The following ATP11A variants were observed in gnomAD, a reference collection of about 807,000 sequenced individuals.
The protein encoded by ATP11A is ATPase phospholipid transporting 11A.
In ATP11A, 81 loss-of-function variants were observed where a neutral mutation model predicts 154.4. The ratio of observed to expected loss-of-function variants is 0.52; its 90% CI spans 0.44 to 0.63. The LOEUF is 0.63. Among genes scored for constraint, ATP11A ranks in the 30% least tolerant of loss-of-function variants. ATP11A has a pLI of 0.00. For missense variants in ATP11A, 1,316 were observed against 1,474.3 expected (o/e 0.89, Z 1.76); for synonymous variants, 623 against 585.9 (o/e 1.06, Z -0.91).
intron 1 of ATP11A, among the ~76,000 whole-genome samples, chr13:112,710,213 T>TTA (rs1887584913): frequency 6.6e-6 from 1 of 152,134 alleles, no homozygotes; most frequent in South Asian, 2.1e-4. Flanking sequence ...GCCGTGGTGT[T>TTA]TAAGTTGTGT....
At chr13:112,693,118 C>G (rs1033518737) in intron 1 of ATP11A, among the ~76,000 whole-genome samples, 3 of 152,214 alleles carry the variant, frequency 2.0e-5, no homozygotes, top group African/African-American at 7.2e-5. Flanking sequence ...GGAGAGATAG[C>G]AGAGGCAAAT....
At chr13:112,738,561 C>T (rs1006161253) in intron 1 of ATP11A, among the ~76,000 whole-genome samples, 1 of 152,172 alleles carries the variant, frequency 6.6e-6, no homozygotes, top group Admixed American at 6.5e-5. Context: ...GCAGATAAGC[C>T]GACTGGCTTC....
rs1476227281 is a variant in ATP11A, at chr13:112,767,224, A to AG, written c.40-17910dup. 5.2e-3 allele frequency among the ~76,000 whole-genome samples: 8 copies of AG among 1,540 alleles called. 1 individual carries two copies. The African/African-American group carries it at 0.071, about 14-fold the overall frequency. 1.0% of individuals were successfully genotyped at this position (1,540 alleles called of 152,430 possible). ...TGGGGGCCCCTGTGGGAAGGTGGGGAGATGTGGGGGTGTTGGGGGCCCCTG... is the reference window on the plus strand; with the variant it reads ...TGGGGGCCCCTGTGGGAAGGTGGGGAGGATGTGGGGGTGTTGGGGGCCCCTG... On this transcript the variant is annotated intron_variant, in intron 1 of 29. Transcript: ENST00000375645.
chr13:112,755,434 A>G (rs920065170), intron 1 of ATP11A, among the ~76,000 whole-genome samples: 1 of 152,194 alleles, frequency 6.6e-6, no homozygotes, highest in Non-Finnish European at 1.5e-5. Context: ...GGCGCTTGCC[A>G]GAGGACGGCC....
chr13:112,694,301 G>T (rs190362038), intron 1 of ATP11A, among the ~76,000 whole-genome samples: 288 of 152,328 alleles, frequency 1.9e-3, no homozygotes, highest in African/African-American at 6.4e-3. Flanking sequence ...CTCTCAGTCC[G>T]TTTGTCATGC....
chr13:112,882,104 T>C lies in ATP11A; in HGVS notation c.*238T>C, dbSNP rs1175554548. The C allele has an allele frequency of 7.4e-7, 1 of 1,348,880 alleles. No individual in the cohort carries two copies. The highest frequency in any genetic ancestry group is 9.9e-7 in the Non-Finnish European group (1 of 1,010,580). The allele number at this position is 1,348,880 out of a possible 1,614,324, so 83.6% of individuals were successfully genotyped here. ...CCTGTGGAGACTGTGCACGTGCCTC[T>C]TCCTGGCCCCCAGCAGGCAAGGAGG... On this transcript the variant is annotated 3_prime_UTR_variant, in exon 30 of 30. Coordinates refer to ENST00000375645, the MANE Select transcript of ATP11A (RefSeq NM_015205.3). This position sits in a 1 kb window ranked among gnomAD's most constrained non-coding sequence, Gnocchi z 5.1.
In ATP11A at chr13:112,785,192, C is replaced by T. The variant is rs1414017920; in HGVS notation, c.97C>T (p.Pro33Ser). The T allele has an allele frequency of 2.5e-6, 4 of 1,577,686 alleles. No homozygotes were observed. The highest frequency in any genetic ancestry group is 2.6e-6 in the Non-Finnish European group (3 of 1,162,372). Reference protein sequence around the residue: ...SRTIYVGHREPPPGAEAYIPQ... With the variant: ...SRTIYVGHRESPPGAEAYIPQ... ...GACCATCTACGTGGGACACAGGGAGCCACCTCCGGGCGCAGAGGCCTACAT... is the reference window on the plus strand; with the variant it reads ...GACCATCTACGTGGGACACAGGGAGTCACCTCCGGGCGCAGAGGCCTACAT... The change falls in exon 2 of 30, where the codon CCA becomes TCA. Residue 33 changes from proline to serine, a missense_variant. This residue lies in a region of ATP11A where 123 missense variants were observed against 113.7 expected (regional missense o/e 1.08). Transcript: ENST00000375645. The surrounding 1 kb of genome is among the most constrained non-coding windows in gnomAD (Gnocchi z 4.8).
intron 1 of ATP11A, among the ~76,000 whole-genome samples, chr13:112,745,253 C>T (rs573111756): frequency 1.2e-4 from 19 of 152,174 alleles, no homozygotes; most frequent in Non-Finnish European, 2.1e-4. Context: ...TTAGTAGAGA[C>T]AGGGTTTCAC....
At chr13:112,778,350 T>C (rs968668734) in intron 1 of ATP11A, among the ~76,000 whole-genome samples, 8 of 152,164 alleles carry the variant, frequency 5.3e-5, no homozygotes, top group Admixed American at 1.3e-4. Flanking sequence ...TCCCATGCAG[T>C]TATGCTGTGT....
intron 1 of ATP11A, among the ~76,000 whole-genome samples, chr13:112,768,268 G>A (rs112587129): frequency 2.1e-4 from 32 of 152,370 alleles, no homozygotes; most frequent in African/African-American, 7.7e-4. Flanking sequence ...TACCAGCAGC[G>A]TCTTCGCTTT....
chr13:112,874,089 C>T (rs912221732), intron 27 of ATP11A, among the ~76,000 whole-genome samples: 8 of 152,256 alleles, frequency 5.3e-5, no homozygotes, highest in Non-Finnish European at 1.0e-4. Context: ...ACTGGCCAGG[C>T]ATTCGACAGG....
chr13:112,852,604 A>C (rs1335017810), intron 18 of ATP11A, among the ~76,000 whole-genome samples: 1 of 152,120 alleles, frequency 6.6e-6, no homozygotes, highest in Non-Finnish European at 1.5e-5. Context: ...GTCCAGGAGA[A>C]GAGGGGTGTC....
intron 16 of ATP11A, among the ~76,000 whole-genome samples, chr13:112,836,744 C>CTCGGT (rs772816457): frequency 2.6e-5 from 4 of 152,252 alleles, no homozygotes; most frequent in Non-Finnish European, 5.9e-5. Context: ...GAACAGCACA[C>CTCGGT]TCGGTTCGTG....
Position 112,783,779 on chromosome 13 carries a change from G to A in ATP11A, c.40-1356G>A, listed in dbSNP as rs551912948. Among the ~76,000 whole-genome samples, 7 of 152,356 alleles carry A rather than the reference G, an allele frequency of 4.6e-5. 1 individual carries two copies. In the South Asian group the frequency reaches 1.4e-3, roughly 32 times the overall value. Reference sequence around the variant, plus strand: ...ATGTGGCGTTTGGATTTCCCGTTACGAGCTAAAGTATTTTTGTGGTTTTAG... The same window carrying A: ...ATGTGGCGTTTGGATTTCCCGTTACAAGCTAAAGTATTTTTGTGGTTTTAG... On this transcript the variant is annotated intron_variant, in intron 1 of 29. Coordinates refer to ENST00000375645, the MANE Select transcript of ATP11A (RefSeq NM_015205.3).
At position 112,753,893 on chromosome 13, in the gene ATP11A, C is replaced by T. The variant is rs142283647; in HGVS notation, c.40-31242C>T. On this transcript the variant is annotated intron_variant, in intron 1 of 29. Transcript: ENST00000375645. The surrounding 1 kb of genome is among the most constrained non-coding windows in gnomAD (Gnocchi z 4.1). The stretch of plus-strand genomic sequence containing the variant: ...AGAGTTATTTAAATTTAAAAACATG[C>T]TGAGGAATTAAAGAAAGAAGCCATC... 4.1e-3 allele frequency among the ~76,000 whole-genome samples: 626 copies of T among 152,276 alleles called. 4 individuals carry two copies. Among genetic ancestry groups the T allele is most frequent in the African/African-American group, 0.014 (591 of 41,546 alleles).
chr13:112,791,551 C>T (rs1295930469), intron 2 of ATP11A, among the ~76,000 whole-genome samples: 1 of 152,230 alleles, frequency 6.6e-6, no homozygotes, highest in Admixed American at 6.5e-5. Flanking sequence ...TGTCATTGCC[C>T]ATGGCGGCTT....
intron 11 of ATP11A, 55 bp downstream of exon 11, chr13:112,825,635 C>A: frequency 6.6e-7 from 1 of 1,516,454 alleles, no homozygotes; most frequent in Non-Finnish European, 8.8e-7. Flanking sequence ...GCCATTATTA[C>A]GAAAATGTGG....
At chr13:112,765,767 C>A (rs1199475360) in intron 1 of ATP11A, among the ~76,000 whole-genome samples, 3 of 152,248 alleles carry the variant, frequency 2.0e-5, no homozygotes, top group African/African-American at 7.2e-5. Context: ...CTGACCGGAG[C>A]CTGCTACAGT....
At position 112,856,086 on chromosome 13, in the gene ATP11A, G is replaced by GTGC; in HGVS notation, c.2418+5_2418+7dup. On this transcript the variant is annotated splice_donor_variant, in intron 20 of 29. Transcript: ENST00000375645. ...CATGGCGCCCTTGCAGAAGGCTCAGGTGCTGCCCGCCCGTCCTCGATAGCT... is the reference window on the plus strand; with the variant it reads ...CATGGCGCCCTTGCAGAAGGCTCAGGTGCTGCTGCCCGCCCGTCCTCGATAGCT... The GTGC allele has an allele frequency of 6.2e-7, 1 of 1,610,862 alleles. No individual in the cohort carries two copies. Among genetic ancestry groups the GTGC allele is most frequent in the Non-Finnish European group, 8.5e-7 (1 of 1,178,650 alleles).
Sources: allele counts gnomAD v4.1 joint callset (sites outside exome capture counted in the v4.1 genomes callset), GRCh38; gene constraint gnomAD v4.1.1; regional missense constraint gnomAD v4.1.1; non-coding constraint Gnocchi (gnomAD v3.1); transcripts MANE v1.5; gene names NCBI Gene and HGNC (gene_info 2026-07-23, HGNC 2026-07-21).